PRKN: variants seen among roughly 807,000 people sequenced by gnomAD.
The protein encoded by PRKN is E3 ubiquitin-protein ligase parkin.
Under a neutral mutation model 59.5 loss-of-function variants are expected in PRKN, and 56 were observed. That is an observed-to-expected ratio of 0.94 (90% confidence interval 0.76 to 1.18). The LOEUF (loss-of-function observed/expected upper bound fraction) is 1.18. Ranked by LOEUF, PRKN falls within the 50% of genes most tolerant of loss-of-function variation. The pLI is 0.00. For synonymous variants in PRKN, 250 were observed against 222.1 expected (o/e 1.13, Z -1.12); for missense variants, 657 against 596.4 (o/e 1.10, Z -1.06).
rs1215546282 is a variant in PRKN at position 162,010,928 on chromosome 6, AATATAAT to A, written c.619-37518_619-37512del. Among the ~76,000 whole-genome samples the A allele has an allele frequency of 7.6e-4, 8 of 10,582 alleles. 1 individual carries two copies. Among genetic ancestry groups the A allele is most frequent in the African/African-American group, 5.6e-3 (6 of 1,074 alleles). The allele number at this position is 10,582 out of a possible 152,430, so 6.9% of individuals were successfully genotyped here. On this transcript the variant is annotated intron_variant, in intron 5 of 11. Coordinates refer to ENST00000366898, the MANE Select transcript of PRKN (RefSeq NM_004562.3). ...ATAATATATTAAATATATAATATATAATATAATATATAATATATAATATATAATTAAT... is the reference window on the plus strand; with the variant it reads ...ATAATATATTAAATATATAATATATAATATAATATATAATATATAATTAAT...
intron 7 of PRKN, among the ~76,000 whole-genome samples, chr6:161,757,834 T>TCTCTCTCC (rs1491440377): frequency 9.0e-5 from 4 of 44,500 alleles, no homozygotes; most frequent in East Asian, 6.3e-4. Context: ...CAAAACTCCA[T>TCTCTCTCC]CTCTCTCTCT....
At chr6:162,420,326 T>G (rs2128159149) in intron 2 of PRKN, among the ~76,000 whole-genome samples, 1 of 152,280 alleles carries the variant, frequency 6.6e-6, no homozygotes, top group Non-Finnish European at 1.5e-5. Flanking sequence ...GATCAAAATT[T>G]TAGGCACAAA....
At chr6:161,825,193 GAA>G (rs1426333075) in intron 6 of PRKN, among the ~76,000 whole-genome samples, 1 of 151,984 alleles carries the variant, frequency 6.6e-6, no homozygotes, top group Non-Finnish European at 1.5e-5. Flanking sequence ...AAAATCATAG[GAA>G]AAAGAGTATT....
Position 162,304,917 on chromosome 6 carries a change from T to C in PRKN, c.172-42152A>G, listed in dbSNP as rs539132858. On this transcript the variant is annotated intron_variant, in intron 2 of 11. Coordinates refer to ENST00000366898, the MANE Select transcript of PRKN (RefSeq NM_004562.3). ...GATGTAATCAAACAGTTTCCAAATA[T>C]TGGCATTCAATTCAAGATATTTATT... Among the ~76,000 whole-genome samples, 29 of 152,228 alleles carry C rather than the reference T, an allele frequency of 1.9e-4. No homozygotes were observed. In the East Asian group the frequency reaches 4.3e-3, roughly 22 times the overall value.
At chr6:162,026,159 G>A (rs1222111351) in intron 5 of PRKN, among the ~76,000 whole-genome samples, 2 of 152,074 alleles carry the variant, frequency 1.3e-5, no homozygotes, top group Non-Finnish European at 2.9e-5. Flanking sequence ...GAAATATGTT[G>A]ACATCTGTGT....
intron 5 of PRKN, among the ~76,000 whole-genome samples, chr6:161,988,492 A>T (rs1055380786): frequency 6.6e-6 from 1 of 152,082 alleles, no homozygotes; most frequent in African/African-American, 2.4e-5. Flanking sequence ...TCTCAAAAAA[A>T]CAAAATAAAA....
intron 7 of PRKN, among the ~76,000 whole-genome samples, chr6:161,587,289 T>G (rs942074645): frequency 6.6e-6 from 1 of 152,232 alleles, no homozygotes; most frequent in Non-Finnish European, 1.5e-5. Flanking sequence ...TTATTATTGA[T>G]GTTTAGCAGC....
chr6:161,923,100 T>TC lies in PRKN; in HGVS notation c.734+50201dup, dbSNP rs371584773. Among the ~76,000 whole-genome samples, 565 of 152,340 alleles carry TC rather than the reference T, an allele frequency of 3.7e-3. 6 individuals are homozygous for TC. The highest frequency in any genetic ancestry group is 0.013 in the African/African-American group (524 of 41,578). Reference sequence around the variant, plus strand: ...CTGTTCCTGATCTCAGCAGCTTGTTTCCCACACCTTCAAGTGTACATTTCC... The same window carrying TC: ...CTGTTCCTGATCTCAGCAGCTTGTTTCCCCACACCTTCAAGTGTACATTTCC... On this transcript the variant is annotated intron_variant, in intron 6 of 11. Coordinates refer to ENST00000366898, the MANE Select transcript of PRKN (RefSeq NM_004562.3).
chr6:162,072,227 G>C (rs1778608411), intron 4 of PRKN, among the ~76,000 whole-genome samples: 1 of 152,048 alleles, frequency 6.6e-6, no homozygotes, highest in Non-Finnish European at 1.5e-5. Context: ...GGCAGAGGTT[G>C]CAGTGACCCA....
In PRKN at chr6:161,502,676, G is replaced by T. The variant is rs572294036; in HGVS notation, c.1083+46178C>A. ...GAGTAGCAACCTCTGGAGTACCAGT[G>T]CATTTATGGAAAGATAATAGTTAGA... is the stretch of plus-strand genomic sequence containing the variant. On this transcript the variant is annotated intron_variant, in intron 9 of 11. Transcript: ENST00000366898. This position sits in a 1 kb window ranked among gnomAD's most constrained non-coding sequence, Gnocchi z 4.0. 2.2e-4 allele frequency among the ~76,000 whole-genome samples: 33 copies of T among 152,288 alleles called. No homozygotes were observed. The highest frequency in any genetic ancestry group is 1.8e-3 in the Admixed American group (27 of 15,302).
At chr6:162,406,756 C>T (rs757786652) in intron 2 of PRKN, among the ~76,000 whole-genome samples, 2 of 152,130 alleles carry the variant, frequency 1.3e-5, no homozygotes, top group South Asian at 2.1e-4. Context: ...CTACACCACC[C>T]GCCAGCTTCT....
At chr6:161,719,960 G>A (rs929626167) in intron 7 of PRKN, among the ~76,000 whole-genome samples, 3 of 152,194 alleles carry the variant, frequency 2.0e-5, no homozygotes, top group African/African-American at 2.4e-5. Flanking sequence ...CACTGAGTCC[G>A]TGGCTCTGCA....
intron 2 of PRKN, among the ~76,000 whole-genome samples, chr6:162,404,701 C>A (rs781140320): frequency 3.3e-5 from 5 of 152,090 alleles, no homozygotes; most frequent in Non-Finnish European, 7.3e-5. Context: ...TACAGGCGTG[C>A]ACCACCACAC....
chr6:161,787,119 T>G (rs1283964263), intron 6 of PRKN, among the ~76,000 whole-genome samples: 1 of 152,156 alleles, frequency 6.6e-6, no homozygotes, highest in Non-Finnish European at 1.5e-5. Flanking sequence ...TTATACCCAA[T>G]CTTTAACGCC....
chr6:162,414,996 A>T (rs1384277967), intron 2 of PRKN, among the ~76,000 whole-genome samples: 3 of 152,142 alleles, frequency 2.0e-5, no homozygotes, highest in Admixed American at 6.5e-5. Flanking sequence ...TCTGATGCTA[A>T]GGAACAGTTA....
At chr6:162,178,230 G>C (rs116588408) in intron 4 of PRKN, among the ~76,000 whole-genome samples, 1,735 of 152,302 alleles carry the variant, frequency 0.011, 27 homozygotes, top group African/African-American at 0.038. Context: ...AATGTTAATT[G>C]TGGATTGTCA....
intron 7 of PRKN, among the ~76,000 whole-genome samples, chr6:161,750,272 C>G (rs1210412142): frequency 6.6e-6 from 1 of 152,018 alleles, no homozygotes; most frequent in African/African-American, 2.4e-5. Flanking sequence ...ATTTAATTGA[C>G]TTAGCAACAC....
At chr6:161,625,947 A>G (rs1562566953) in intron 7 of PRKN, among the ~76,000 whole-genome samples, 1 of 152,196 alleles carries the variant, frequency 6.6e-6, no homozygotes, top group Non-Finnish European at 1.5e-5. Flanking sequence ...GTCATCCAGT[A>G]TAAGAAGTTG....
rs536949879 is a variant in PRKN, at chr6:161,357,078, G to C, written c.1285+3010C>G. On this transcript the variant is annotated intron_variant, in intron 11 of 11. Transcript: ENST00000366898. This position sits in a 1 kb window ranked among gnomAD's most constrained non-coding sequence, Gnocchi z 5.5. The stretch of plus-strand genomic sequence containing the variant: ...TTTTTTTTTTTTTTTTTGAGACAGA[G>C]TCTTGCTCTGTCACTCAGGCTGGAG... Among the ~76,000 whole-genome samples, 1 of 137,514 alleles carries C rather than the reference G, an allele frequency of 7.3e-6. No individual in the cohort carries two copies. Among genetic ancestry groups the C allele is most frequent in the Non-Finnish European group, 1.5e-5 (1 of 65,280 alleles). The allele number at this position is 137,514 out of a possible 152,430, so 90.2% of individuals were successfully genotyped here.
Sources: allele counts gnomAD v4.1 joint callset (sites outside exome capture counted in the v4.1 genomes callset), GRCh38; gene constraint gnomAD v4.1.1; non-coding constraint Gnocchi (gnomAD v3.1); transcripts MANE v1.5; gene names NCBI Gene and HGNC (gene_info 2026-07-23, HGNC 2026-07-21).